The following CPVL variants were observed in gnomAD, a reference collection of about 807,000 sequenced individuals.
The protein encoded by CPVL is probable serine carboxypeptidase CPVL.
Under a neutral mutation model 63.7 loss-of-function variants are expected in CPVL, and 51 were observed. The ratio of observed to expected loss-of-function variants is 0.80; its 90% CI spans 0.64 to 1.01. The LOEUF is 1.01. CPVL is among the 50% of genes least tolerant of loss of function. The pLI, the probability that CPVL is intolerant of heterozygous loss-of-function variation, is 0.00. For synonymous variants in CPVL, 195 were observed against 206.0 expected, an observed-to-expected ratio of 0.95 and a Z score of 0.46; for missense variants, 530 against 573.1, an observed-to-expected ratio of 0.92 and a Z score of 0.77.
chr7:29,129,644 A>G (rs1411963176), intron 1 of CPVL, among the ~76,000 whole-genome samples: 2 of 151,778 alleles, frequency 1.3e-5, no homozygotes, highest in Non-Finnish European at 1.5e-5. Flanking sequence ...AATTTTTTGC[A>G]TTTTAGTAGA....
At chr7:29,131,026 G>T (rs902813367) in intron 1 of CPVL, among the ~76,000 whole-genome samples, 1 of 152,082 alleles carries the variant, frequency 6.6e-6, no homozygotes, top group Non-Finnish European at 1.5e-5. Flanking sequence ...AGAAATTTTT[G>T]TTAGTTTTGC....
intron 2 of CPVL, among the ~76,000 whole-genome samples, chr7:29,114,443 A>G (rs1195274651): frequency 6.6e-6 from 1 of 152,124 alleles, no homozygotes; most frequent in Non-Finnish European, 1.5e-5. Flanking sequence ...CAGAAGGTGC[A>G]GGTGGCAAGG....
intron 2 of CPVL, among the ~76,000 whole-genome samples, chr7:29,117,921 G>A (rs940528205): frequency 2.0e-5 from 3 of 152,120 alleles, no homozygotes; most frequent in Non-Finnish European, 2.9e-5. Context: ...TTACAACTAC[G>A]ACAGCTCTAG....
chr7:29,023,677 C>T (rs1787231026), intron 12 of CPVL, among the ~76,000 whole-genome samples: 1 of 152,304 alleles, frequency 6.6e-6, no homozygotes, highest in Admixed American at 6.5e-5. Context: ...AACCTCACTA[C>T]AGTGTCTACT....
intron 7 of CPVL, among the ~76,000 whole-genome samples, chr7:29,078,699 T>C (rs62442652): frequency 0.14 from 22,019 of 152,242 alleles, 2,154 homozygotes; most frequent in East Asian, 0.42. Flanking sequence ...AAGCTTATAA[T>C]GACTTCTGAT....
At chr7:29,053,715 T>C (rs1418997644) in intron 11 of CPVL, among the ~76,000 whole-genome samples, 1 of 152,044 alleles carries the variant, frequency 6.6e-6, no homozygotes, top group African/African-American at 2.4e-5. Flanking sequence ...ACTTGTACAT[T>C]TGAAATGAGT....
chr7:29,158,120 T>G, intron 5 of CPVL, among the ~76,000 whole-genome samples: 1 of 152,108 alleles, frequency 6.6e-6, no homozygotes, highest in East Asian at 1.9e-4. Context: ...TGAACACTGG[T>G]TAAGAAGAGG....
At chr7:29,116,962 A>G (rs970676589) in intron 2 of CPVL, among the ~76,000 whole-genome samples, 1 of 152,206 alleles carries the variant, frequency 6.6e-6, no homozygotes, top group African/African-American at 2.4e-5. Flanking sequence ...TCGATAAACA[A>G]AAGGGATTTA....
chr7:29,000,997 C>A (rs1349122628), intron 12 of CPVL: 1 of 152,072 alleles, frequency 6.6e-6, no homozygotes, highest in African/African-American at 2.4e-5. Flanking sequence ...AAGGAGAAGG[C>A]TAATTTGGAA....
At chr7:29,180,137 GT>G (rs1562811617) in intron 5 of CPVL, among the ~76,000 whole-genome samples, 3 of 152,176 alleles carry the variant, frequency 2.0e-5, no homozygotes, top group East Asian at 3.9e-4. Flanking sequence ...TTCCCCAATA[GT>G]TTTTTTATTA....
At chr7:29,021,740 T>TC (rs369827736) in intron 12 of CPVL, among the ~76,000 whole-genome samples, 10 of 151,678 alleles carry the variant, frequency 6.6e-5, no homozygotes, top group African/African-American at 2.4e-4. Context: ...TCACACTGGG[T>TC]CCCACACATC....
At chr7:29,037,729 T>C (rs369853871) in intron 11 of CPVL, among the ~76,000 whole-genome samples, 2 of 152,134 alleles carry the variant, frequency 1.3e-5, no homozygotes, top group African/African-American at 4.8e-5. Flanking sequence ...ACTCCATAAA[T>C]AACTGCACCA....
At chr7:29,027,035 A>G (rs1329667484) in intron 12 of CPVL, among the ~76,000 whole-genome samples, 1 of 152,170 alleles carries the variant, frequency 6.6e-6, no homozygotes, top group Non-Finnish European at 1.5e-5. Flanking sequence ...GACACACACA[A>G]GAAGAAAACT....
chr7:29,065,131 AC>A (rs1241420538), intron 10 of CPVL, among the ~76,000 whole-genome samples: 1 of 150,380 alleles, frequency 6.6e-6, no homozygotes, highest in Non-Finnish European at 1.5e-5. Flanking sequence ...TAAAAAAAAA[AC>A]AGTTACACAA....
At position 29,055,440 on chromosome 7, in the gene CPVL, G is replaced by A. The variant is rs547853050; in HGVS notation, c.1137+8621C>T. 6.6e-5 allele frequency among the ~76,000 whole-genome samples: 10 copies of A among 152,156 alleles called. No homozygotes were observed. The South Asian group carries it at 2.1e-3, about 32-fold the overall frequency. ...AATTTTTTACTTTTTTAGTAGAGAT[G>A]GGGTTTCACCATGTTGGCCAGGCTG... On this transcript the variant is annotated intron_variant, in intron 11 of 12. Coordinates refer to ENST00000265394, the MANE Select transcript of CPVL (RefSeq NM_031311.5).
At chr7:29,027,680 T>G (rs1463676327) in intron 12 of CPVL, among the ~76,000 whole-genome samples, 1 of 152,120 alleles carries the variant, frequency 6.6e-6, no homozygotes, top group Non-Finnish European at 1.5e-5. Context: ...TTCTATATAC[T>G]AATAATGAAC....
intron 3 of CPVL, among the ~76,000 whole-genome samples, chr7:29,106,666 C>T (rs924246000): frequency 2.6e-5 from 4 of 151,788 alleles, no homozygotes; most frequent in Admixed American, 2.6e-4. Flanking sequence ...AGAATTGGAG[C>T]TGAGAGGCAA....
chr7:29,188,524 T>C (rs245920), intron 1 of CPVL, among the ~76,000 whole-genome samples: 102,590 of 151,966 alleles, frequency 0.68, 35,651 homozygotes, highest in East Asian at 0.99. Context: ...TTTACTCTCC[T>C]TTTTTTATTT....
At chr7:29,088,926 G>A (rs1785489654) in intron 6 of CPVL, among the ~76,000 whole-genome samples, 1 of 152,164 alleles carries the variant, frequency 6.6e-6, no homozygotes, top group South Asian at 2.1e-4. Flanking sequence ...AGTGAGCCGA[G>A]ATCACGCCAC....
Sources: gnomAD v4.1 joint callset for allele counts (sites outside exome capture counted in the v4.1 genomes callset) on GRCh38, gnomAD v4.1.1 for gene constraint, MANE v1.5 for transcripts, NCBI Gene and HGNC (gene_info 2026-07-23, HGNC 2026-07-21) for gene names.